ZNF660: variants seen among roughly 807,000 people sequenced by gnomAD.
The protein encoded by ZNF660 is zinc finger protein 660.
Under a neutral mutation model 23.2 loss-of-function variants are expected in ZNF660, and 24 were observed. The observed-to-expected ratio is 1.04, with a 90% CI of 0.75 to 1.46. The LOEUF is 1.46. Among genes scored for constraint, ZNF660 ranks in the 40% most tolerant of loss-of-function variants. ZNF660 has a pLI of 0.00. For missense variants in ZNF660, 373 were observed against 396.8 expected (o/e 0.94, Z 0.51); for synonymous variants, 117 against 131.4 (o/e 0.89, Z 0.75).
At position 44,594,258 on chromosome 3, in the gene ZNF660, G is replaced by T; in HGVS notation, c.65G>T (p.Gly22Val). The T allele has an allele frequency of 5.6e-6, 9 of 1,613,880 alleles. No individual in the cohort carries two copies. The highest frequency in any genetic ancestry group is 7.6e-6 in the Non-Finnish European group (9 of 1,180,010). ...TVKDNKVLTE[G>V]SDQESEKDNS... ...AAAGACAATAAAGTACTCACAGAAG[G>T]GAGTGACCAAGAATCTGAAAAAGAC... Residue 22 changes from glycine (G) to valine (V), a missense_variant, in exon 3 of 3, where the codon GGG becomes GTG. By Grantham distance (109) the Gly-to-Val change is moderately radical. Coordinates refer to ENST00000322734, the MANE Select transcript of ZNF660 (RefSeq NM_173658.4).
At chr3:44,591,815 C>T (rs1390692872) in intron 2 of ZNF660, among the ~76,000 whole-genome samples, 1 of 152,050 alleles carries the variant, frequency 6.6e-6, no homozygotes, top group Admixed American at 6.6e-5. Flanking sequence ...GCCAACATGG[C>T]GAAATACCAT....
chr3:44,590,371 T>A (rs575746443), intron 2 of ZNF660, among the ~76,000 whole-genome samples: 57 of 152,310 alleles, frequency 3.7e-4, no homozygotes, highest in Middle Eastern at 3.4e-3. Flanking sequence ...CTTCTTACTA[T>A]GTATTCTCAT....
rs1445426253 is a variant in ZNF660, at chr3:44,599,345, G to C, written c.*4156G>C. On this transcript the variant is annotated 3_prime_UTR_variant, in exon 3 of 3. Coordinates refer to ENST00000322734, the MANE Select transcript of ZNF660 (RefSeq NM_173658.4). ...TGCTTAGAGAGGAAAGTGTCGCCCT[G>C]GACTTAGAAATCTTTTTTCATAGAT... is the stretch of plus-strand genomic sequence containing the variant. 6.6e-6 allele frequency: 1 copy of C among 152,146 alleles called. No homozygotes were observed. Among genetic ancestry groups the C allele is most frequent in the Non-Finnish European group, 1.5e-5 (1 of 68,032 alleles). The allele number at this position is 152,146 out of a possible 1,614,324, so 9.4% of individuals were successfully genotyped here.
At position 44,596,084 on chromosome 3, in the gene ZNF660, C is replaced by T. The variant is rs1363133030; in HGVS notation, c.*895C>T. On this transcript the variant is annotated 3_prime_UTR_variant, in exon 3 of 3. Transcript: ENST00000322734. ...CAACCAGAAAAAAATGAAATTGAAA[C>T]AACTGTAGACTCAAAAACTTCAGAT... is the stretch of plus-strand genomic sequence containing the variant. 6.0e-6 allele frequency: 1 copy of T among 166,564 alleles called. No homozygotes were observed. Among genetic ancestry groups the T allele is most frequent in the Non-Finnish European group, 1.5e-5 (1 of 68,108 alleles). The allele number at this position is 166,564 out of a possible 1,614,324, so 10.3% of individuals were successfully genotyped here. A position where few individuals can be genotyped will look rare whatever the true frequency, so the allele number is the denominator to read the frequency against.
At chr3:44,593,817 C>G (rs1294738107) in intron 2 of ZNF660, among the ~76,000 whole-genome samples, 197 bp from the exon 3 acceptor site, 1 of 152,130 alleles carries the variant, frequency 6.6e-6, no homozygotes, top group Non-Finnish European at 1.5e-5. Flanking sequence ...CTGCTGGGCT[C>G]CCCTTAGCCC....
chr3:44,596,153 A>T lies in ZNF660; in HGVS notation c.*964A>T, dbSNP rs559836079. The T allele has an allele frequency of 6.1e-6, 1 of 162,660 alleles. No homozygotes were observed. The highest frequency in any genetic ancestry group is 2.1e-4 in the South Asian group (1 of 4,830). The allele number at this position is 162,660 out of a possible 1,614,324, so 10.1% of individuals were successfully genotyped here. On this transcript the variant is annotated 3_prime_UTR_variant, in exon 3 of 3. Transcript: ENST00000322734. ...AAAACTAGTGGGAGACTCTGCCTTC[A>T]CATGGTATATAGAGTTTAAAGGCTA...
chr3:44,588,158 C>T (rs377056754), intron 2 of ZNF660, among the ~76,000 whole-genome samples: 22 of 152,246 alleles, frequency 1.4e-4, no homozygotes, highest in Middle Eastern at 3.4e-3. Flanking sequence ...ACAGGAAGCA[C>T]GGTGCCAGCA....
chr3:44,594,554 C>G lies in ZNF660; in HGVS notation c.361C>G (p.Leu121Val). The change falls in exon 3 of 3, where the codon CTT becomes GTT. Residue 121 changes from leucine to valine, a missense_variant. Leu to Val is a conservative substitution (Grantham distance 32). Coordinates refer to ENST00000322734, the MANE Select transcript of ZNF660 (RefSeq NM_173658.4). Reference sequence around the variant, plus strand: ...GAAATCTTTCAGTGGAAAGTCACATCTTATTCGGCACCAGGGAATCCACAG... The same window carrying G: ...GAAATCTTTCAGTGGAAAGTCACATGTTATTCGGCACCAGGGAATCCACAG... ...CGKSFSGKSH[L>V]IRHQGIHSGE... The G allele has an allele frequency of 1.2e-6, 2 of 1,614,164 alleles. No individual in the cohort carries two copies. The highest frequency in any genetic ancestry group is 8.5e-7 in the Non-Finnish European group (1 of 1,180,028).
intron 1 of ZNF660, among the ~76,000 whole-genome samples, chr3:44,585,859 T>C (rs988628749): frequency 1.3e-5 from 2 of 152,154 alleles, no homozygotes; most frequent in Non-Finnish European, 2.9e-5. Context: ...AAGGGGAGGC[T>C]GTGGTGTGAT....
intron 2 of ZNF660, among the ~76,000 whole-genome samples, chr3:44,593,000 C>G (rs1700480787): frequency 6.6e-6 from 1 of 151,700 alleles, no homozygotes; most frequent in Non-Finnish European, 1.5e-5. Flanking sequence ...TTGCAGTGAG[C>G]CGAGATCGTG....
Position 44,597,452 on chromosome 3 carries a change from T to C in ZNF660, c.*2263T>C, listed in dbSNP as rs1365048590. 3 of 152,180 alleles carry C rather than the reference T, an allele frequency of 2.0e-5. No individual in the cohort carries two copies. Among genetic ancestry groups the C allele is most frequent in the Admixed American group, 2.0e-4 (3 of 15,282 alleles). 9.4% of individuals were successfully genotyped at this position (152,180 alleles called of 1,614,324 possible). A position where few individuals can be genotyped will look rare whatever the true frequency, so the allele number is the denominator to read the frequency against. On this transcript the variant is annotated 3_prime_UTR_variant, in exon 3 of 3. Coordinates refer to ENST00000322734, the MANE Select transcript of ZNF660 (RefSeq NM_173658.4). This position sits in a 1 kb window ranked among gnomAD's most constrained non-coding sequence, Gnocchi z 4.1. ...AAAGAAAGAAGTGAAGGGTGAAGGT[T>C]GTATATTTGTGTGAAAAAAAATTAC...
In ZNF660 at chr3:44,594,518, A is replaced by C. The variant is rs139808382; in HGVS notation, c.325A>C (p.Ser109Arg). 3 of 1,614,218 alleles carry C rather than the reference A, an allele frequency of 1.9e-6. No homozygotes were observed. In the African/African-American group the frequency reaches 4.0e-5, roughly 22 times the overall value. ...IHTGLKPYTC[S>R]ECGKSFSGKS... is the part of the protein sequence containing the mutation. ...CACTGGACTGAAGCCCTATACATGC[A>C]GTGAATGTGGGAAATCTTTCAGTGG... Residue 109 changes from serine (S) to arginine (R), a missense_variant, in exon 3 of 3, where the codon AGT (serine) becomes CGT (arginine). Transcript: ENST00000322734.
rs1397279950 is a variant in ZNF660, at chr3:44,599,320, T to A, written c.*4131T>A. 5 of 152,208 alleles carry A rather than the reference T, an allele frequency of 3.3e-5. No homozygotes were observed. Among genetic ancestry groups the A allele is most frequent in the Non-Finnish European group, 7.3e-5 (5 of 68,044 alleles). The allele number at this position is 152,208 out of a possible 1,614,324, so 9.4% of individuals were successfully genotyped here. ...GGGCAATACGTAAGACAAAGAATTC[T>A]GCTTAGAGAGGAAAGTGTCGCCCTG... On this transcript the variant is annotated 3_prime_UTR_variant, in exon 3 of 3. Transcript: ENST00000322734.
At chr3:44,590,575 A>G (rs760115170) in intron 2 of ZNF660, among the ~76,000 whole-genome samples, 2 of 152,196 alleles carry the variant, frequency 1.3e-5, no homozygotes, top group Non-Finnish European at 2.9e-5. Context: ...TACAAATGTT[A>G]GGGGGACACA....
Position 44,596,966 on chromosome 3 carries a change from T to G in ZNF660, c.*1777T>G, listed in dbSNP as rs1700628782. 6.6e-6 allele frequency: 1 copy of G among 152,250 alleles called. No homozygotes were observed. The highest frequency in any genetic ancestry group is 1.5e-5 in the Non-Finnish European group (1 of 68,036). The allele number at this position is 152,250 out of a possible 1,614,324, so 9.4% of individuals were successfully genotyped here. On this transcript the variant is annotated 3_prime_UTR_variant, in exon 3 of 3. Transcript: ENST00000322734. The stretch of plus-strand genomic sequence containing the variant: ...TGAAACACTTAGAATCTCCCTATTT[T>G]TAACTCAGCCATTCCTCTGTGTATA...
Position 44,598,203 on chromosome 3 carries a change from T to C in ZNF660, c.*3014T>C, listed in dbSNP as rs1406486933. On this transcript the variant is annotated 3_prime_UTR_variant, in exon 3 of 3. Coordinates refer to ENST00000322734, the MANE Select transcript of ZNF660 (RefSeq NM_173658.4). Reference sequence around the variant, plus strand: ...TCGCCCATGCTGGAGTGCAGTGGCGTGATCTCAGCTCTCAGCTCACCGCAA... The same window carrying C: ...TCGCCCATGCTGGAGTGCAGTGGCGCGATCTCAGCTCTCAGCTCACCGCAA... The C allele has an allele frequency of 6.7e-6, 1 of 150,336 alleles. No individual in the cohort carries two copies. Among genetic ancestry groups the C allele is most frequent in the Non-Finnish European group, 1.5e-5 (1 of 67,798 alleles). The allele number at this position is 150,336 out of a possible 1,614,324, so 9.3% of individuals were successfully genotyped here.
chr3:44,593,047 CGTCT>C (rs1700484734), intron 2 of ZNF660, among the ~76,000 whole-genome samples: 2 of 150,422 alleles, frequency 1.3e-5, no homozygotes, highest in African/African-American at 4.9e-5. Context: ...AGTGAGACTC[CGTCT>C]CAGAAAAAAA....
Position 44,597,107 on chromosome 3 carries a change from T to A in ZNF660, c.*1918T>A, listed in dbSNP as rs373278812. 4.2e-4 allele frequency: 64 copies of A among 152,326 alleles called. 1 individual carries two copies. The East Asian group carries it at 0.012, about 28-fold the overall frequency. 9.4% of individuals were successfully genotyped at this position (152,326 alleles called of 1,614,324 possible). On this transcript the variant is annotated 3_prime_UTR_variant, in exon 3 of 3. Coordinates refer to ENST00000322734, the MANE Select transcript of ZNF660 (RefSeq NM_173658.4). This position sits in a 1 kb window ranked among gnomAD's most constrained non-coding sequence, Gnocchi z 4.1. ...CTCTATTATACAAGAAAATTGAGTG[T>A]CATTGAGGTTAGGTGACTGGCTAGT... is the stretch of plus-strand genomic sequence containing the variant.
chr3:44,590,582 CACAA>C (rs1317873449), intron 2 of ZNF660, among the ~76,000 whole-genome samples: 1 of 152,116 alleles, frequency 6.6e-6, no homozygotes. Context: ...GTTAGGGGGA[CACAA>C]ACATTCAGTC....
Sources: allele counts gnomAD v4.1 joint callset (sites outside exome capture counted in the v4.1 genomes callset), GRCh38; gene constraint gnomAD v4.1.1; non-coding constraint Gnocchi (gnomAD v3.1); transcripts MANE v1.5; gene names NCBI Gene and HGNC (gene_info 2026-07-23, HGNC 2026-07-21).